The following UBE2E2 variants were observed in gnomAD, a reference collection of about 807,000 sequenced individuals.
UBE2E2 encodes the protein ubiquitin-conjugating enzyme E2 E2.
A neutral mutation model predicts 24.7 loss-of-function variants in UBE2E2; 6 were observed. The ratio of observed to expected loss-of-function variants is 0.24; its 90% CI spans 0.13 to 0.48. The LOEUF (loss-of-function observed/expected upper bound fraction) is 0.48, where lower values mean the gene tolerates loss of function less well. Among genes scored for constraint, UBE2E2 ranks in the 20% least tolerant of loss-of-function variants. UBE2E2 has a pLI of 0.99. For synonymous variants in UBE2E2, 104 were observed against 83.6 expected, an observed-to-expected ratio of 1.24 and a Z score of -1.33; for missense variants, 169 against 245.0, an observed-to-expected ratio of 0.69 and a Z score of 2.07.
rs1008141781 is a variant in UBE2E2 at position 23,282,127 on chromosome 3, C to T, written c.227+64815C>T. On this transcript the variant is annotated intron_variant, in intron 3 of 5. Coordinates refer to ENST00000396703, the MANE Select transcript of UBE2E2 (RefSeq NM_152653.4). ...GTCTTATTCCAAAGCCCAGCCCTTT[C>T]GTCTCTTCTGTATTAAATTCCCATT... Among the ~76,000 whole-genome samples, 9 of 152,318 alleles carry T rather than the reference C, an allele frequency of 5.9e-5. No homozygotes were observed. In the East Asian group the frequency reaches 1.2e-3, roughly 20 times the overall value.
chr3:23,534,128 CTTT>C (rs1158079342), intron 5 of UBE2E2: 8,746 of 435,700 alleles, frequency 0.02, 5 homozygotes, highest in Middle Eastern at 0.026. Flanking sequence ...TGCAAGAAGG[CTTT>C]TTTTTTTTTT....
rs185069823 is a variant in UBE2E2, at chr3:23,314,627, G to A, written c.227+97315G>A. ...TTGAAGAATTCCTTTAGCATTTGTT[G>A]TAGGACAGGTCTGGTGTTGATGAAA... On this transcript the variant is annotated intron_variant, in intron 3 of 5. Transcript: ENST00000396703. Among the ~76,000 whole-genome samples, 19 of 152,204 alleles carry A rather than the reference G, an allele frequency of 1.2e-4. No individual in the cohort carries two copies. The East Asian group carries it at 3.3e-3, about 26-fold the overall frequency.
intron 3 of UBE2E2, among the ~76,000 whole-genome samples, chr3:23,267,786 C>A (rs1698092183): frequency 1.3e-5 from 2 of 150,610 alleles, no homozygotes; most frequent in Non-Finnish European, 1.5e-5. Flanking sequence ...CCTTGATGAA[C>A]ATTGATGCAA....
intron 3 of UBE2E2, chr3:23,270,802 GA>G (rs1698219660): frequency 2.5e-6 from 1 of 393,916 alleles, no homozygotes; most frequent in Non-Finnish European, 5.1e-6. Context: ...ACAGTTTCAG[GA>G]ATTCATTTAA....
rs186584477 is a variant in UBE2E2 at position 23,454,427 on chromosome 3, C to T, written c.228-45181C>T. ...TGGGTAAGACCTTTAAGGGAGGTCT[C>T]ATGTCTGAGCGCTTTCCATCTACCT... On this transcript the variant is annotated intron_variant, in intron 3 of 5. Coordinates refer to ENST00000396703, the MANE Select transcript of UBE2E2 (RefSeq NM_152653.4). Among the ~76,000 whole-genome samples the T allele has an allele frequency of 8.0e-3, 1,225 of 152,284 alleles. 21 individuals are homozygous for T. Among genetic ancestry groups the T allele is most frequent in the African/African-American group, 0.027 (1,140 of 41,558 alleles).
At chr3:23,226,099 G>A (rs575306336) in intron 3 of UBE2E2, among the ~76,000 whole-genome samples, 19 of 152,082 alleles carry the variant, frequency 1.2e-4, no homozygotes, top group Non-Finnish European at 2.5e-4. Context: ...GACTGGTCTC[G>A]AACTCCTGAT....
chr3:23,331,711 A>T (rs1426735635), intron 3 of UBE2E2, among the ~76,000 whole-genome samples: 1 of 152,070 alleles, frequency 6.6e-6, no homozygotes, highest in African/African-American at 2.4e-5. Flanking sequence ...GAGCCATGGA[A>T]AGAGTGGGAG....
chr3:23,589,603 C>T lies in UBE2E2; in HGVS notation c.509-131C>T, dbSNP rs980273281. ...GTCAGCAGCAGGTGACTGGCTCAGC[C>T]GCAGCAATGGTGGTCCAGGTTAGAA... On this transcript the variant is annotated intron_variant, in intron 5 of 5. Transcript: ENST00000396703. The surrounding 1 kb of genome is among the most constrained non-coding windows in gnomAD (Gnocchi z 4.1). 9 of 827,758 alleles carry T rather than the reference C, an allele frequency of 1.1e-5. No homozygotes were observed. The highest frequency in any genetic ancestry group is 2.4e-5 in the Admixed American group (1 of 41,554). The allele number at this position is 827,758 out of a possible 1,614,324, so 51.3% of individuals were successfully genotyped here.
At chr3:23,476,138 G>T (rs187749616) in intron 3 of UBE2E2, among the ~76,000 whole-genome samples, 1 of 151,968 alleles carries the variant, frequency 6.6e-6, no homozygotes, top group East Asian at 1.9e-4. Context: ...GTGGATTTTC[G>T]TTCCCTTACC....
At chr3:23,473,204 A>G (rs542963188) in intron 3 of UBE2E2, among the ~76,000 whole-genome samples, 1 of 152,184 alleles carries the variant, frequency 6.6e-6, no homozygotes, top group South Asian at 2.1e-4. Flanking sequence ...TGAGCCAGAA[A>G]TAGTTTTTGT....
chr3:23,418,275 G>C (rs1279577186), intron 3 of UBE2E2, among the ~76,000 whole-genome samples: 2 of 152,186 alleles, frequency 1.3e-5, no homozygotes, highest in Non-Finnish European at 2.9e-5. Context: ...GTTCCTCATG[G>C]CACAGTTCCT....
At chr3:23,535,229 G>A (rs2125487857) in intron 5 of UBE2E2, among the ~76,000 whole-genome samples, 1 of 152,252 alleles carries the variant, frequency 6.6e-6, no homozygotes, top group African/African-American at 2.4e-5. Context: ...ATTCCTCTGA[G>A]GTTAAAATGA....
chr3:23,207,334 G>T (rs1332710663), intron 1 of UBE2E2, among the ~76,000 whole-genome samples: 1 of 152,068 alleles, frequency 6.6e-6, no homozygotes, highest in Non-Finnish European at 1.5e-5. Context: ...AGGTATTGAG[G>T]AAATTGAGTT....
chr3:23,518,322 T>C (rs1331938051), intron 4 of UBE2E2, among the ~76,000 whole-genome samples: 4 of 151,978 alleles, frequency 2.6e-5, no homozygotes, highest in African/African-American at 9.7e-5. Context: ...TAAAAGAAAA[T>C]TAGGCATGGA....
intron 4 of UBE2E2, among the ~76,000 whole-genome samples, chr3:23,505,108 A>G (rs1248993995): frequency 6.9e-6 from 1 of 144,790 alleles, no homozygotes; most frequent in African/African-American, 2.6e-5. Flanking sequence ...TTTTGTAGAG[A>G]CAGGGTTTTG....
In UBE2E2 at chr3:23,247,823, C is replaced by T. The variant is rs1697454655; in HGVS notation, c.227+30511C>T. On this transcript the variant is annotated intron_variant, in intron 3 of 5. Transcript: ENST00000396703. ...TCTGGCATTTACTCCTTCTTCCTCCCCTCCCCCTTTTATTAAAGAGACTAG... is the reference window on the plus strand; with the variant it reads ...TCTGGCATTTACTCCTTCTTCCTCCTCTCCCCCTTTTATTAAAGAGACTAG... Among the ~76,000 whole-genome samples, 4 of 152,250 alleles carry T rather than the reference C, an allele frequency of 2.6e-5. No individual in the cohort carries two copies. In the South Asian group the frequency reaches 8.3e-4, roughly 32 times the overall value.
chr3:23,366,252 G>A (rs997584715), intron 3 of UBE2E2, among the ~76,000 whole-genome samples: 2 of 152,128 alleles, frequency 1.3e-5, no homozygotes, highest in Admixed American at 6.6e-5. Context: ...AAGTAGTGTG[G>A]CAATTTCTTG....
At position 23,591,207 on chromosome 3, in the gene UBE2E2, C is replaced by A. The variant is rs141908124; in HGVS notation, c.*1376C>A. On this transcript the variant is annotated 3_prime_UTR_variant, in exon 6 of 6. Coordinates refer to ENST00000396703, the MANE Select transcript of UBE2E2 (RefSeq NM_152653.4). ...ATTCAGGGTTATTAGTGTAACAAAG[C>A]GTAGTGGAAACTCCTACTCCTGCTG... 1 of 152,230 alleles carries A rather than the reference C, an allele frequency of 6.6e-6. No individual in the cohort carries two copies. The highest frequency in any genetic ancestry group is 1.9e-4 in the East Asian group (1 of 5,180). The allele number at this position is 152,230 out of a possible 1,614,324, so 9.4% of individuals were successfully genotyped here. A position where few individuals can be genotyped will look rare whatever the true frequency, so the allele number is the denominator to read the frequency against.
chr3:23,547,156 T>A (rs1269443734), intron 5 of UBE2E2, among the ~76,000 whole-genome samples: 2 of 152,224 alleles, frequency 1.3e-5, no homozygotes, highest in Admixed American at 1.3e-4. Context: ...TGGGTTTATT[T>A]ACAGCTTCTC....
Sources: gnomAD v4.1 joint callset for allele counts (sites outside exome capture counted in the v4.1 genomes callset) on GRCh38, gnomAD v4.1.1 for gene constraint, Gnocchi (gnomAD v3.1) non-coding constraint, MANE v1.5 for transcripts, NCBI Gene and HGNC (gene_info 2026-07-23, HGNC 2026-07-21) for gene names.